The following KIAA1328 variants were observed in gnomAD, a reference collection of about 807,000 sequenced individuals.
The protein encoded by KIAA1328 is KIAA1328, also known as protein hinderin.
A neutral mutation model predicts 68.1 loss-of-function variants in KIAA1328; 52 were observed. The ratio of observed to expected loss-of-function variants is 0.76; its 90% CI spans 0.61 to 0.96. KIAA1328 has a LOEUF of 0.96. KIAA1328 is among the 40% of genes least tolerant of loss of function. KIAA1328 has a pLI of 0.00. For synonymous variants in KIAA1328, 232 were observed against 239.4 expected (o/e 0.97, Z 0.28); for missense variants, 641 against 677.6 (o/e 0.95, Z 0.60).
intron 7 of KIAA1328, among the ~76,000 whole-genome samples, chr18:37,117,194 G>A (rs913335352): frequency 1.2e-4 from 19 of 152,296 alleles, no homozygotes; most frequent in Non-Finnish European, 2.1e-4. Context: ...ACATGCACAC[G>A]TATGTTTACT....
intron 7 of KIAA1328, among the ~76,000 whole-genome samples, chr18:37,069,885 T>A (rs935209427): frequency 1.2e-4 from 19 of 152,066 alleles, no homozygotes; most frequent in African/African-American, 4.6e-4. Flanking sequence ...ACTTTGCTCT[T>A]CTTTTTTCCT....
chr18:36,877,065 T>C (rs568132563), intron 4 of KIAA1328, among the ~76,000 whole-genome samples: 2 of 152,358 alleles, frequency 1.3e-5, no homozygotes, highest in South Asian at 4.1e-4. Flanking sequence ...TTCCAATCTT[T>C]TGCATTTGCT....
At chr18:37,117,885 A>ATATAT (rs57673006) in intron 7 of KIAA1328, among the ~76,000 whole-genome samples, 2 of 142,998 alleles carry the variant, frequency 1.4e-5, no homozygotes, top group East Asian at 2.0e-4. Context: ...TTAAAAAAAA[A>ATATAT]AAATATATAT....
rs528224498 is a variant in KIAA1328 at position 37,116,334 on chromosome 18, C to T, written c.1233-43866C>T. Among the ~76,000 whole-genome samples the T allele has an allele frequency of 1.7e-4, 26 of 152,234 alleles. No individual in the cohort carries two copies. In the East Asian group the frequency reaches 5.0e-3, roughly 29 times the overall value. ...AGAGATACAGACCAATGGAACAGAA[C>T]AGAGCCCTCAGAAATAATACCACAC... On this transcript the variant is annotated intron_variant, in intron 7 of 9. Coordinates refer to ENST00000280020, the MANE Select transcript of KIAA1328 (RefSeq NM_020776.3).
chr18:37,059,193 T>G (rs1258218058), intron 6 of KIAA1328, among the ~76,000 whole-genome samples: 4 of 152,110 alleles, frequency 2.6e-5, no homozygotes, highest in Non-Finnish European at 5.9e-5. Flanking sequence ...GAATTAACGT[T>G]GAATATGTAA....
In KIAA1328 at chr18:37,054,173, G is replaced by A. The variant is rs1344893695; in HGVS notation, c.577-12717G>A. On this transcript the variant is annotated intron_variant, in intron 6 of 9. Coordinates refer to ENST00000280020, the MANE Select transcript of KIAA1328 (RefSeq NM_020776.3). ...AAAATGTAAAACCCAGATATAGGTT[G>A]GAATGCAGAGGAAAGGGAACAGTTA... Among the ~76,000 whole-genome samples, 7 of 152,066 alleles carry A rather than the reference G, an allele frequency of 4.6e-5. No homozygotes were observed. The East Asian group carries it at 1.3e-3, about 29-fold the overall frequency.
chr18:36,835,458 A>G (rs906264308), intron 3 of KIAA1328, 82 bp downstream of exon 3: 67 of 1,271,908 alleles, frequency 5.3e-5, no homozygotes, highest in Non-Finnish European at 6.9e-5. Flanking sequence ...GAACCTTTGA[A>G]AGTATACTAG....
intron 4 of KIAA1328, among the ~76,000 whole-genome samples, chr18:36,870,695 A>G (rs2047915039): frequency 6.6e-6 from 1 of 152,236 alleles, no homozygotes; most frequent in African/African-American, 2.4e-5. Context: ...ACATTGGTGC[A>G]GTATTATTAA....
intron 9 of KIAA1328, 71 bp downstream of exon 9, chr18:37,173,152 A>C (rs1460654666): frequency 1.8e-6 from 2 of 1,123,566 alleles, no homozygotes; most frequent in Non-Finnish European, 2.6e-6. Context: ...TTATTTAATA[A>C]GGAAGGGAAA....
At chr18:37,095,896 A>G (rs1295561611) in intron 7 of KIAA1328, among the ~76,000 whole-genome samples, 1 of 152,202 alleles carries the variant, frequency 6.6e-6, no homozygotes, top group East Asian at 1.9e-4. Context: ...GAAGAAATAG[A>G]TAAATTCCTG....
At chr18:37,061,243 T>G (rs1445339768) in intron 6 of KIAA1328, among the ~76,000 whole-genome samples, 1 of 152,224 alleles carries the variant, frequency 6.6e-6, no homozygotes, top group Non-Finnish European at 1.5e-5. Flanking sequence ...AGTGACATAC[T>G]CTATGATTGC....
intron 4 of KIAA1328, among the ~76,000 whole-genome samples, chr18:36,871,012 T>C (rs982027327): frequency 2.6e-5 from 4 of 152,222 alleles, no homozygotes; most frequent in Admixed American, 6.5e-5. Flanking sequence ...CCAGGTTAGC[T>C]GGGGCTCACA....
chr18:37,048,381 T>C (rs2055560422), intron 6 of KIAA1328, among the ~76,000 whole-genome samples: 1 of 152,144 alleles, frequency 6.6e-6, no homozygotes, highest in African/African-American at 2.4e-5. Context: ...CTTTATGATG[T>C]GAGAGTCACT....
chr18:36,973,382 GT>G (rs2052317300), intron 6 of KIAA1328, among the ~76,000 whole-genome samples: 6 of 152,134 alleles, frequency 3.9e-5, no homozygotes, highest in African/African-American at 1.4e-4. Context: ...TAAATGACGA[GT>G]TAACGGGTGC....
At chr18:36,926,756 G>T (rs1013747014) in intron 5 of KIAA1328, among the ~76,000 whole-genome samples, 3 of 152,096 alleles carry the variant, frequency 2.0e-5, no homozygotes, top group Non-Finnish European at 4.4e-5. Context: ...ATACAGGGTG[G>T]GTGTGTGTTA....
intron 5 of KIAA1328, among the ~76,000 whole-genome samples, chr18:36,917,181 G>T (rs2151093511): frequency 6.6e-6 from 1 of 152,116 alleles, no homozygotes; most frequent in South Asian, 2.1e-4. Context: ...TTGTAATTTG[G>T]AATATCTCCT....
At chr18:36,954,034 C>G (rs1404440115) in intron 5 of KIAA1328, among the ~76,000 whole-genome samples, 1 of 133,646 alleles carries the variant, frequency 7.5e-6, no homozygotes, top group Admixed American at 8.9e-5. Flanking sequence ...CTCGCTCTGT[C>G]GCCCAGGCCG....
At chr18:37,118,476 T>C (rs1317590978) in intron 7 of KIAA1328, among the ~76,000 whole-genome samples, 1 of 152,144 alleles carries the variant, frequency 6.6e-6, no homozygotes, top group Non-Finnish European at 1.5e-5. Flanking sequence ...TCACAGAACA[T>C]AGAACTAAGA....
intron 4 of KIAA1328, among the ~76,000 whole-genome samples, chr18:36,882,153 T>C (rs1367167163): frequency 2.6e-5 from 4 of 152,368 alleles, no homozygotes; most frequent in Middle Eastern, 3.4e-3. Flanking sequence ...ATTATTTATT[T>C]CTGCTACTTG....
Sources: gnomAD v4.1 joint callset for allele counts (sites outside exome capture counted in the v4.1 genomes callset) on GRCh38, gnomAD v4.1.1 for gene constraint, MANE v1.5 for transcripts, NCBI Gene and HGNC (gene_info 2026-07-23, HGNC 2026-07-21) for gene names.